SLC25A26: variants seen among roughly 807,000 people sequenced by gnomAD.
SLC25A26 encodes the protein solute carrier family 25 member 26, also known as mitochondrial S-adenosylmethionine carrier protein.
In SLC25A26, 36 loss-of-function variants were observed where a neutral mutation model predicts 37.8. That is an observed-to-expected ratio of 0.95 (90% CI 0.73 to 1.26). The LOEUF (loss-of-function observed/expected upper bound fraction) is 1.26. Ranked by LOEUF, SLC25A26 falls within the 50% of genes most tolerant of loss-of-function variation. The pLI is 0.00. For missense variants in SLC25A26, 390 were observed against 331.1 expected, an observed-to-expected ratio of 1.18 and a Z score of -1.38; for synonymous variants, 129 against 122.5, an observed-to-expected ratio of 1.05 and a Z score of -0.35.
intron 1 of SLC25A26, among the ~76,000 whole-genome samples, chr3:66,175,119 A>ATATATATATATG (rs1559560875): frequency 3.6e-5 from 3 of 84,458 alleles, no homozygotes; most frequent in Non-Finnish European, 7.6e-5. Context: ...GTATATATAT[A>ATATATATATATG]TATATATATA....
intron 1 of SLC25A26, among the ~76,000 whole-genome samples, chr3:66,162,644 T>C (rs1166071401): frequency 1.3e-5 from 2 of 152,128 alleles, no homozygotes; most frequent in African/African-American, 4.8e-5. Context: ...AATAGGCACA[T>C]GGAGGAATTT....
At chr3:66,155,243 C>T (rs1010872719) in intron 1 of SLC25A26, among the ~76,000 whole-genome samples, 1 of 152,216 alleles carries the variant, frequency 6.6e-6, no homozygotes, top group Non-Finnish European at 1.5e-5. Context: ...GGCGTGGTGG[C>T]TCATGCCTGT....
chr3:66,369,404 G>C, intron 7 of SLC25A26, 74 bp from the exon 8 acceptor site: 1 of 1,299,496 alleles, frequency 7.7e-7, no homozygotes, highest in Non-Finnish European at 1.1e-6. Flanking sequence ...TTTGGGCAGA[G>C]TCAGGAATTC....
At chr3:66,351,698 G>C (rs769200978) in intron 6 of SLC25A26, among the ~76,000 whole-genome samples, 8 of 152,130 alleles carry the variant, frequency 5.3e-5, no homozygotes, top group Admixed American at 1.3e-4. Context: ...TTCCCAATCT[G>C]TTCCTTCCTA....
chr3:66,335,304 T>C (rs760788772), intron 5 of SLC25A26, among the ~76,000 whole-genome samples: 2 of 152,242 alleles, frequency 1.3e-5, no homozygotes, highest in African/African-American at 4.8e-5. Context: ...AAAGCATTTA[T>C]GGAGTGACTT....
chr3:66,262,188 T>G, intron 4 of SLC25A26, 33 bp downstream of exon 4: 1 of 1,182,912 alleles, frequency 8.5e-7, no homozygotes, highest in South Asian at 1.5e-5. Flanking sequence ...TTCTTTTCTT[T>G]ATTAAGATTT....
At chr3:66,354,422 A>G (rs973563041) in intron 6 of SLC25A26, among the ~76,000 whole-genome samples, 6 of 152,240 alleles carry the variant, frequency 3.9e-5, no homozygotes, top group East Asian at 1.9e-4. Context: ...TCAGGGACCA[A>G]TGCATTATCA....
chr3:66,287,090 A>G (rs918466359), intron 5 of SLC25A26, among the ~76,000 whole-genome samples: 1 of 152,180 alleles, frequency 6.6e-6, no homozygotes, highest in East Asian at 1.9e-4. Flanking sequence ...AGGTCAGGAG[A>G]TTGAGACCAT....
chr3:66,238,032 T>C (rs1319750948), intron 2 of SLC25A26, among the ~76,000 whole-genome samples: 1 of 152,200 alleles, frequency 6.6e-6, no homozygotes, highest in Non-Finnish European at 1.5e-5. Flanking sequence ...CATCTTTCGA[T>C]TTTTGTGTAT....
At chr3:66,217,190 A>G (rs2071374718), upstream of SLC25A26, among the ~76,000 whole-genome samples, 1 of 152,220 alleles carries the variant, frequency 6.6e-6, no homozygotes, top group Non-Finnish European at 1.5e-5. Context: ...TTTTTTCTTA[A>G]TTTTACTTCA....
At chr3:66,239,331 T>TG (rs2072457235) in intron 2 of SLC25A26, among the ~76,000 whole-genome samples, 1 of 152,048 alleles carries the variant, frequency 6.6e-6, no homozygotes, top group Non-Finnish European at 1.5e-5. Flanking sequence ...TCATGAATAC[T>TG]GTGAAGGATT....
At chr3:66,138,339 G>A (rs1322884711) in intron 1 of SLC25A26, among the ~76,000 whole-genome samples, 1 of 151,988 alleles carries the variant, frequency 6.6e-6, no homozygotes, top group African/African-American at 2.4e-5. Flanking sequence ...CCCCCCTTCA[G>A]ACACATCACA....
chr3:66,164,362 A>G (rs1008829440), intron 1 of SLC25A26, among the ~76,000 whole-genome samples: 15 of 152,196 alleles, frequency 9.9e-5, no homozygotes, highest in African/African-American at 2.4e-5. Flanking sequence ...TGGTTGCAAA[A>G]TAGCTGCCAT....
chr3:66,286,249 C>T (rs2074508173), intron 5 of SLC25A26, among the ~76,000 whole-genome samples: 1 of 152,060 alleles, frequency 6.6e-6, no homozygotes, highest in Admixed American at 6.5e-5. Context: ...CTTTGGATGT[C>T]ATCTCTAGGA....
chr3:66,166,911 A>G (rs1045936126), intron 1 of SLC25A26, among the ~76,000 whole-genome samples: 4 of 152,122 alleles, frequency 2.6e-5, no homozygotes, highest in Middle Eastern at 3.2e-3. Flanking sequence ...TAATTGAATC[A>G]TGGGGGCGGG....
chr3:66,375,394 T>G lies in SLC25A26; in HGVS notation c.708-2296T>G, dbSNP rs1210816013. ...GATTTTCAGGGTAGATGAAACAGCCTTCGATTAGAAGAAGATGCCATCTAG... is the reference window on the plus strand; with the variant it reads ...GATTTTCAGGGTAGATGAAACAGCCGTCGATTAGAAGAAGATGCCATCTAG... On this transcript the variant is annotated intron_variant, in intron 9 of 9. Transcript: ENST00000354883. Among the ~76,000 whole-genome samples the G allele has an allele frequency of 2.0e-5, 3 of 152,184 alleles. No homozygotes were observed. The South Asian group carries it at 6.2e-4, about 32-fold the overall frequency.
At chr3:66,376,562 T>C (rs1700658250) in intron 9 of SLC25A26, among the ~76,000 whole-genome samples, 2 of 152,226 alleles carry the variant, frequency 1.3e-5, no homozygotes, top group South Asian at 4.1e-4. Flanking sequence ...CATTTTAAAA[T>C]TAAGGTATGT....
chr3:66,136,248 G>A (rs928098542), intron 1 of SLC25A26, among the ~76,000 whole-genome samples: 2 of 152,060 alleles, frequency 1.3e-5, no homozygotes, highest in Non-Finnish European at 2.9e-5. Flanking sequence ...ATAACATTTC[G>A]GTGGTTCACT....
At chr3:66,268,328 A>G (rs2073834738) in intron 5 of SLC25A26, among the ~76,000 whole-genome samples, 2 of 152,180 alleles carry the variant, frequency 1.3e-5, no homozygotes, top group Non-Finnish European at 1.5e-5. Context: ...GATAATGCCA[A>G]ATTGCTCTTT....
Sources: gnomAD v4.1 joint callset for allele counts (sites outside exome capture counted in the v4.1 genomes callset) on GRCh38, gnomAD v4.1.1 for gene constraint, MANE v1.5 for transcripts, NCBI Gene and HGNC (gene_info 2026-07-23, HGNC 2026-07-21) for gene names.